SNTB1: variants seen among roughly 807,000 people sequenced by gnomAD.
The protein encoded by SNTB1 is syntrophin beta 1.
SNTB1 carries 36 observed loss-of-function variants against 48.9 expected under a neutral mutation model. That is an observed-to-expected ratio of 0.74 (90% CI 0.56 to 0.97). SNTB1 has a LOEUF of 0.97. Among genes scored for constraint, SNTB1 ranks in the 50% least tolerant of loss-of-function variants. The pLI is 0.00. For synonymous variants in SNTB1, 299 were observed against 294.6 expected (o/e 1.01, Z -0.15); for missense variants, 786 against 703.4 (o/e 1.12, Z -1.33).
Position 120,632,549 on chromosome 8 carries a change from A to G in SNTB1, c.891T>C (p.Val297=). ...QAWFSAIHSN[V]NDLLTRVIAE... ...CAATCACTCGGGTCAGCAGGTCATT[A>G]ACGTTGGAATGGATGGCACTGAACC... Residue 297 remains valine, a synonymous_variant, in exon 3 of 7, where the codon GTT becomes GTC. Coordinates refer to ENST00000517992, the MANE Select transcript of SNTB1 (RefSeq NM_021021.4). The G allele has an allele frequency of 6.2e-7, 1 of 1,614,130 alleles. No homozygotes were observed. Among genetic ancestry groups the G allele is most frequent in the Non-Finnish European group, 8.5e-7 (1 of 1,180,036 alleles).
intron 2 of SNTB1, among the ~76,000 whole-genome samples, chr8:120,685,629 A>C (rs1317789800): frequency 6.6e-6 from 1 of 152,104 alleles, no homozygotes; most frequent in Admixed American, 6.5e-5. Context: ...AATAAATAGC[A>C]TTGGGATTTC....
intron 3 of SNTB1, among the ~76,000 whole-genome samples, chr8:120,579,252 G>T (rs1391606404): frequency 2.6e-5 from 4 of 152,174 alleles, no homozygotes; most frequent in African/African-American, 9.7e-5. Context: ...TTTATACGGG[G>T]TTGCCTCCCA....
intron 1 of SNTB1, among the ~76,000 whole-genome samples, chr8:120,744,755 A>G (rs1299416658): frequency 6.6e-6 from 1 of 152,222 alleles, no homozygotes; most frequent in Non-Finnish European, 1.5e-5. Flanking sequence ...TCACATTTGT[A>G]TGATTTGTAT....
At chr8:120,615,650 G>A (rs1816701498) in intron 3 of SNTB1, among the ~76,000 whole-genome samples, 2 of 152,174 alleles carry the variant, frequency 1.3e-5, no homozygotes, top group African/African-American at 4.8e-5. Context: ...TCATTAGATG[G>A]CCAAGTGAGC....
intron 3 of SNTB1, among the ~76,000 whole-genome samples, chr8:120,618,825 G>A (rs1235796588): frequency 6.6e-6 from 1 of 152,164 alleles, no homozygotes; most frequent in African/African-American, 2.4e-5. Context: ...TAAAAGGGCA[G>A]AGGGTGGAAA....
rs368673616 is a variant in SNTB1, at chr8:120,762,807, C to T, written c.571+48466G>A. 3.3e-5 allele frequency among the ~76,000 whole-genome samples: 5 copies of T among 152,160 alleles called. No individual in the cohort carries two copies. The East Asian group carries it at 9.6e-4, about 29-fold the overall frequency. On this transcript the variant is annotated intron_variant, in intron 1 of 6. Transcript: ENST00000517992. ...GTAGACAGTGTGCACTCAATAAATG[C>T]TTGCCGAAAGAAAAAAAATACTAGG...
chr8:120,781,195 A>G (rs2130129287), intron 1 of SNTB1, among the ~76,000 whole-genome samples: 1 of 152,356 alleles, frequency 6.6e-6, no homozygotes, highest in South Asian at 2.1e-4. Context: ...AGAGTTGATC[A>G]TCAAGGAAAT....
chr8:120,685,530 A>T (rs1423915806), intron 2 of SNTB1, among the ~76,000 whole-genome samples: 1 of 152,238 alleles, frequency 6.6e-6, no homozygotes, highest in Non-Finnish European at 1.5e-5. Context: ...CAAGGCACAG[A>T]GCAGAGTCAT....
Position 120,551,863 on chromosome 8 carries a change from A to G in SNTB1, c.1137-2905T>C, listed in dbSNP as rs542261932. On this transcript the variant is annotated intron_variant, in intron 4 of 6. Transcript: ENST00000517992. Reference sequence around the variant, plus strand: ...CCCTTAGTTTCCTCATTTTAAAAATATAATACCTACCCCATAGGATTAGGA... The same window carrying G: ...CCCTTAGTTTCCTCATTTTAAAAATGTAATACCTACCCCATAGGATTAGGA... Among the ~76,000 whole-genome samples the G allele has an allele frequency of 4.6e-5, 7 of 152,242 alleles. No homozygotes were observed. In the East Asian group the frequency reaches 1.3e-3, roughly 29 times the overall value.
chr8:120,699,896 A>C (rs934604513), intron 1 of SNTB1, among the ~76,000 whole-genome samples: 1 of 152,218 alleles, frequency 6.6e-6, no homozygotes, highest in African/African-American at 2.4e-5. Flanking sequence ...ATTTTACAAC[A>C]CATAAATACA....
intron 2 of SNTB1, among the ~76,000 whole-genome samples, chr8:120,663,330 AT>A (rs1452762611): frequency 6.6e-6 from 1 of 152,222 alleles, no homozygotes; most frequent in African/African-American, 2.4e-5. Context: ...AGGGGAGAGC[AT>A]CCCAAGAAGA....
intron 3 of SNTB1, among the ~76,000 whole-genome samples, chr8:120,575,787 C>A (rs925258876): frequency 6.6e-6 from 1 of 152,120 alleles, no homozygotes; most frequent in African/African-American, 2.4e-5. Flanking sequence ...CCATTCACCA[C>A]CCATAATTTA....
chr8:120,774,202 C>G (rs766760505), intron 1 of SNTB1, among the ~76,000 whole-genome samples: 9 of 152,158 alleles, frequency 5.9e-5, no homozygotes, highest in Non-Finnish European at 1.0e-4. Context: ...GAAGAAAGAA[C>G]AGAATGTGAC....
intron 2 of SNTB1, among the ~76,000 whole-genome samples, chr8:120,673,767 A>G (rs4077727): frequency 0.55 from 84,056 of 151,614 alleles, 26,181 homozygotes; most frequent in African/African-American, 0.86. Flanking sequence ...GCCAACCCCC[A>G]TGCCAACCTC....
rs75547959 is a variant in SNTB1 at position 120,580,247 on chromosome 8, C to T, written c.997-5022G>A. 8.5e-4 allele frequency among the ~76,000 whole-genome samples: 130 copies of T among 152,280 alleles called. 1 individual carries two copies. In the East Asian group the frequency reaches 0.022, roughly 26 times the overall value. ...TCCTAACATATTTACTTTCCACCTTCTACTTGAGCACGCATGGCAGGAAGA... is the reference window on the plus strand; with the variant it reads ...TCCTAACATATTTACTTTCCACCTTTTACTTGAGCACGCATGGCAGGAAGA... On this transcript the variant is annotated intron_variant, in intron 3 of 6. Coordinates refer to ENST00000517992, the MANE Select transcript of SNTB1 (RefSeq NM_021021.4).
intron 1 of SNTB1, among the ~76,000 whole-genome samples, chr8:120,751,639 T>C (rs1819215782): frequency 6.6e-6 from 1 of 152,164 alleles, no homozygotes; most frequent in African/African-American, 2.4e-5. Flanking sequence ...TCTAATGAAC[T>C]ATTATATATA....
At chr8:120,620,787 CA>C (rs1425401484) in intron 3 of SNTB1, among the ~76,000 whole-genome samples, 1 of 151,944 alleles carries the variant, frequency 6.6e-6, no homozygotes, top group Non-Finnish European at 1.5e-5. Flanking sequence ...GTAAAATACA[CA>C]AACATGCCTA....
At chr8:120,785,241 G>A (rs565842686) in intron 1 of SNTB1, among the ~76,000 whole-genome samples, 1 of 152,306 alleles carries the variant, frequency 6.6e-6, no homozygotes, top group South Asian at 2.1e-4. Flanking sequence ...TACAGCCATG[G>A]GCACAGGAGT....
intron 3 of SNTB1, among the ~76,000 whole-genome samples, chr8:120,629,026 G>A (rs1347600359): frequency 2.6e-5 from 4 of 152,070 alleles, no homozygotes; most frequent in Non-Finnish European, 5.9e-5. Context: ...TCCAGTCGAG[G>A]TGTCAGGTCC....
Sources: allele counts gnomAD v4.1 joint callset (sites outside exome capture counted in the v4.1 genomes callset), GRCh38; gene constraint gnomAD v4.1.1; transcripts MANE v1.5; gene names NCBI Gene and HGNC (gene_info 2026-07-23, HGNC 2026-07-21).